Variants in WWTR1 observed in about 807,000 individuals in gnomAD.
WWTR1 encodes WW domain containing transcription regulator 1.
Under a neutral mutation model 40.1 loss-of-function variants are expected in WWTR1, and 13 were observed. That is an observed-to-expected ratio of 0.32 (90% CI 0.21 to 0.52). The LOEUF is 0.52. WWTR1 is among the 20% of genes least tolerant of loss of function. The pLI is 0.97. For missense variants in WWTR1, 436 were observed against 523.1 expected, an observed-to-expected ratio of 0.83 and a Z score of 1.63; for synonymous variants, 230 against 210.1, an observed-to-expected ratio of 1.09 and a Z score of -0.82.
chr3:149,525,067 TA>T lies in WWTR1; in HGVS notation c.1018+945del, dbSNP rs144971975. Among the ~76,000 whole-genome samples the T allele has an allele frequency of 2.9e-4, 44 of 152,168 alleles. No homozygotes were observed. In the East Asian group the frequency reaches 7.6e-3, roughly 26 times the overall value. ...CTTGAGAAAAGGAGAAAAAGAAAGGTAATCGGGAAGCCTGGTGAGGCTGGAC... is the reference window on the plus strand; with the variant it reads ...CTTGAGAAAAGGAGAAAAAGAAAGGTATCGGGAAGCCTGGTGAGGCTGGAC... On this transcript the variant is annotated intron_variant, in intron 6 of 6. Transcript: ENST00000360632.
intron 2 of WWTR1, among the ~76,000 whole-genome samples, chr3:149,604,720 G>T (rs1296688304): frequency 2.6e-5 from 4 of 152,210 alleles, no homozygotes; most frequent in Non-Finnish European, 5.9e-5. Context: ...CCTTCCGTGT[G>T]CTGCCCTTCC....
At chr3:149,662,529 A>G (rs1713631760), upstream of WWTR1, among the ~76,000 whole-genome samples, 1 of 152,086 alleles carries the variant, frequency 6.6e-6, no homozygotes, top group Non-Finnish European at 1.5e-5. Flanking sequence ...GGCAAATGCT[A>G]TTGATTCTTT....
rs1207327700 is a variant in WWTR1 at position 149,719,160 on chromosome 3, CTTTTTCTTTTTTTT to C, written n.460-1608_460-1595del. 9.0e-4 allele frequency among the ~76,000 whole-genome samples: 134 copies of C among 148,966 alleles called. 1 individual carries two copies. Among genetic ancestry groups the C allele is most frequent in the African/African-American group, 3.0e-3 (123 of 40,510 alleles). ...TTCCTTTTTAAGGCTGAATAATATT[CTTTTTCTTTTTTTT>C]TTTTTCTTTTTTGAGACCGAGTCTC... is the stretch of plus-strand genomic sequence containing the variant. On this transcript the variant is annotated intron_variant and non_coding_transcript_variant, in intron 4 of 6. Coordinates refer to the WWTR1 transcript ENST00000474080.
chr3:149,714,741 C>T (rs183899600), intron 5 of WWTR1, among the ~76,000 whole-genome samples: 2 of 152,334 alleles, frequency 1.3e-5, no homozygotes, highest in East Asian at 1.9e-4. Flanking sequence ...GGCCTGAAGC[C>T]TGGGGGCTGG....
chr3:149,633,690 T>G (rs1711662052), intron 2 of WWTR1, among the ~76,000 whole-genome samples: 1 of 152,060 alleles, frequency 6.6e-6, no homozygotes, highest in Non-Finnish European at 1.5e-5. Flanking sequence ...AAGAGCTGTG[T>G]AGTCAGGCAG....
chr3:149,667,763 TCTA>T (rs1713895349), intron 2 of WWTR1, among the ~76,000 whole-genome samples: 1 of 152,182 alleles, frequency 6.6e-6, no homozygotes, highest in South Asian at 2.1e-4. Context: ...ACGTTGTAGT[TCTA>T]CTGAGTCATC....
chr3:149,641,083 G>T (rs1405813662), intron 2 of WWTR1, among the ~76,000 whole-genome samples: 1 of 152,104 alleles, frequency 6.6e-6, no homozygotes, highest in Admixed American at 6.5e-5. Context: ...ATTATGCAGG[G>T]TCCTTTTATC....
chr3:149,658,037 A>T (rs903051882), upstream of WWTR1: 57 of 152,968 alleles, frequency 3.7e-4, no homozygotes, highest in African/African-American at 1.4e-3. Flanking sequence ...TCCCATAAAC[A>T]AAGTTTGGAG....
rs964953063 is a variant in WWTR1, at chr3:149,548,177, G to A, written c.569-5640C>T. Among the ~76,000 whole-genome samples, 8 of 152,096 alleles carry A rather than the reference G, an allele frequency of 5.3e-5. No homozygotes were observed. The East Asian group carries it at 1.2e-3, about 22-fold the overall frequency. On this transcript the variant is annotated intron_variant, in intron 3 of 6. Coordinates refer to ENST00000360632, the MANE Select transcript of WWTR1 (RefSeq NM_015472.6). The stretch of plus-strand genomic sequence containing the variant: ...TATGCTCAAGGCAAGAAAGTCGCCC[G>A]GACTCAATTCTAAGCCAGCACAAGA...
intron 2 of WWTR1, among the ~76,000 whole-genome samples, chr3:149,592,118 C>T (rs1163922409): frequency 1.3e-5 from 2 of 152,180 alleles, no homozygotes; most frequent in African/African-American, 4.8e-5. Context: ...CCCCTCACCC[C>T]TGCACCCAAA....
chr3:149,636,469 C>T (rs180842822), intron 2 of WWTR1, among the ~76,000 whole-genome samples: 1 of 152,226 alleles, frequency 6.6e-6, no homozygotes, highest in African/African-American at 2.4e-5. Context: ...GAATTAATAC[C>T]AGGAAATTTT....
At chr3:149,573,070 A>C in intron 2 of WWTR1, 70 bp from the exon 3 acceptor site, 1 of 1,433,220 alleles carries the variant, frequency 7.0e-7, no homozygotes, top group South Asian at 1.4e-5. Flanking sequence ...CAACAACAGC[A>C]TAATAGTTAA....
chr3:149,525,327 G>A (rs938228388), intron 6 of WWTR1, among the ~76,000 whole-genome samples: 1 of 152,098 alleles, frequency 6.6e-6, no homozygotes, highest in African/African-American at 2.4e-5. Flanking sequence ...GAGAAAGGGT[G>A]GCCCATATAT....
At chr3:149,633,843 C>G (rs1345459904) in intron 2 of WWTR1, among the ~76,000 whole-genome samples, 1 of 152,024 alleles carries the variant, frequency 6.6e-6, no homozygotes, top group Non-Finnish European at 1.5e-5. Flanking sequence ...GGAAGTGAGG[C>G]TCGATGAGCA....
At chr3:149,574,992 G>C (rs1371241071) in intron 2 of WWTR1, among the ~76,000 whole-genome samples, 1 of 152,018 alleles carries the variant, frequency 6.6e-6, no homozygotes, top group Admixed American at 6.6e-5. Flanking sequence ...TACTCGGGAG[G>C]CTGAGACAGG....
chr3:149,632,313 T>C (rs978804403), intron 2 of WWTR1, among the ~76,000 whole-genome samples: 1 of 152,226 alleles, frequency 6.6e-6, no homozygotes, highest in East Asian at 1.9e-4. Flanking sequence ...GTTTCTAGCA[T>C]AGCTCTGACT....
intron 6 of WWTR1, among the ~76,000 whole-genome samples, chr3:149,521,331 T>C (rs1735036470): frequency 6.6e-6 from 1 of 152,210 alleles, no homozygotes; most frequent in African/African-American, 2.4e-5. Flanking sequence ...AACTATAATC[T>C]ACAGGTTTCA....
intron 2 of WWTR1, among the ~76,000 whole-genome samples, chr3:149,594,950 C>CT (rs563658190): frequency 0.21 from 12,891 of 61,486 alleles, 4,530 homozygotes; most frequent in Non-Finnish European, 0.32. Context: ...CTCTTTTTTA[C>CT]TTTTTTTTTT....
Position 149,647,291 on chromosome 3 carries a change from C to T in WWTR1, c.431+9585G>A, listed in dbSNP as rs150252596. Among the ~76,000 whole-genome samples the T allele has an allele frequency of 2.0e-5, 3 of 152,190 alleles. No homozygotes were observed. The East Asian group carries it at 5.8e-4, about 29-fold the overall frequency. ...TGGTATTTAAATGTATTTATTACCTCTTTAAAAACTTTTTTTTTTAATTTA... is the reference window on the plus strand; with the variant it reads ...TGGTATTTAAATGTATTTATTACCTTTTTAAAAACTTTTTTTTTTAATTTA... On this transcript the variant is annotated intron_variant, in intron 2 of 6. Coordinates refer to ENST00000360632, the MANE Select transcript of WWTR1 (RefSeq NM_015472.6).
Sources: gnomAD v4.1 joint callset for allele counts (sites outside exome capture counted in the v4.1 genomes callset) on GRCh38, gnomAD v4.1.1 for gene constraint, MANE v1.5 for transcripts, NCBI Gene and HGNC (gene_info 2026-07-23, HGNC 2026-07-21) for gene names.